Variants in OGFR observed in about 807,000 individuals in gnomAD.
OGFR encodes protein 7-60.
OGFR carries 18 observed loss-of-function variants against 33.6 expected under a neutral mutation model. The observed-to-expected ratio is 0.54, with a 90% CI of 0.37 to 0.80. OGFR has a LOEUF of 0.80. OGFR is among the 30% of genes least tolerant of loss of function. The pLI is 0.00. For synonymous variants in OGFR, 370 were observed against 400.7 expected, an observed-to-expected ratio of 0.92 and a Z score of 0.91; for missense variants, 877 against 955.8, an observed-to-expected ratio of 0.92 and a Z score of 1.09.
At chr20:62,812,025 C>T (rs1037516112) in intron 6 of OGFR, among the ~76,000 whole-genome samples, 16 of 152,354 alleles carry the variant, frequency 1.1e-4, no homozygotes, top group Admixed American at 7.2e-4. Flanking sequence ...CCCTAACCCC[C>T]GTGTGTCTAG....
chr20:62,805,514 T>C (rs1422996172), intron 1 of OGFR: 1 of 153,108 alleles, frequency 6.5e-6, no homozygotes, highest in Non-Finnish European at 1.5e-5. Context: ...TTGTTACTTT[T>C]GTTACCGCCG....
intron 2 of OGFR, 60 bp from the exon 3 acceptor site, chr20:62,808,186 AG>A: frequency 1.5e-6 from 2 of 1,307,570 alleles, no homozygotes; most frequent in Non-Finnish European, 2.2e-6. Context: ...AAAGACACGG[AG>A]GGCCCCAGGG....
Position 62,813,818 on chromosome 20 carries a change from C to A in OGFR, c.*169C>A. ...ATAGCAGCCACCAGAAGCCGCGAGG[C>A]CCTCAGGGAAGCCCAAGGCCTGCAG... On this transcript the variant is annotated 3_prime_UTR_variant, in exon 7 of 7. Coordinates refer to ENST00000290291, the MANE Select transcript of OGFR (RefSeq NM_007346.4). The A allele has an allele frequency of 1.3e-6, 1 of 769,026 alleles. No homozygotes were observed. The highest frequency in any genetic ancestry group is 2.1e-6 in the Non-Finnish European group (1 of 481,626). The allele number at this position is 769,026 out of a possible 1,614,324, so 47.6% of individuals were successfully genotyped here.
intron 5 of OGFR, 69 bp downstream of exon 5, chr20:62,810,634 G>A: frequency 6.7e-7 from 1 of 1,494,636 alleles, no homozygotes; most frequent in Non-Finnish European, 9.3e-7. Flanking sequence ...CCGCTGCAGA[G>A]ACGGGGTCGC....
chr20:62,806,773 C>G (rs1990602539), intron 1 of OGFR: 1 of 152,384 alleles, frequency 6.6e-6, no homozygotes, highest in South Asian at 2.1e-4. Context: ...CCCCAGGCCC[C>G]CCACCCTCAT....
At chr20:62,808,596 A>G (rs1043783132) in intron 3 of OGFR, among the ~76,000 whole-genome samples, 8 of 152,210 alleles carry the variant, frequency 5.3e-5, no homozygotes, top group Admixed American at 2.6e-4. Flanking sequence ...TATCAAAACT[A>G]CTGAACTCCT....
rs1990773152 is a variant in OGFR at position 62,813,046 on chromosome 20, G to C, written c.1431G>C (p.Gln477His). 1 of 1,593,018 alleles carries C rather than the reference G, an allele frequency of 6.3e-7. No individual in the cohort carries two copies. Among genetic ancestry groups the C allele is most frequent in the Non-Finnish European group, 8.5e-7 (1 of 1,170,074 alleles). ...DSAAVASGGAQTLALAGSPAP... is the reference protein window; with the variant it reads ...DSAAVASGGAHTLALAGSPAP... ...CTGCGGTGGCCAGTGGTGGTGCCCAGACCTTGGCCCTTGCCGGGTCCCCTG... is the reference window on the plus strand; with the variant it reads ...CTGCGGTGGCCAGTGGTGGTGCCCACACCTTGGCCCTTGCCGGGTCCCCTG... Residue 477 changes from glutamine to histidine, a missense_variant, in exon 7 of 7, where the codon CAG becomes CAC. Gln to His is a conservative substitution (Grantham distance 24, BLOSUM62 0). Transcript: ENST00000290291.
chr20:62,807,147 T>G (rs1315529598), intron 1 of OGFR: 2 of 255,194 alleles, frequency 7.8e-6, no homozygotes, highest in Non-Finnish European at 1.5e-5. Context: ...GAACAGAGGC[T>G]AAAGCCAGGG....
chr20:62,810,432 C>A, intron 4 of OGFR, 67 bp from the exon 5 acceptor site: 1 of 1,513,740 alleles, frequency 6.6e-7, no homozygotes, highest in South Asian at 1.1e-5. Context: ...GGCTACACAG[C>A]GAGCACCTGC....
rs1990701945 is a variant in OGFR at position 62,810,553 on chromosome 20, C to G, written c.453C>G (p.Leu151=). The G allele has an allele frequency of 1.2e-6, 2 of 1,612,818 alleles. No individual in the cohort carries two copies. The highest frequency in any genetic ancestry group is 3.3e-5 in the Admixed American group (2 of 60,008). ...ACTGGCATGCCAAGCCCCTCACGCT[C>G]AGGGAGGTCGAGGTGAGCCAGGCCT... is the stretch of plus-strand genomic sequence containing the variant. ...GVNWHAKPLT[L]REVEVFKSSQ... The change falls in exon 5 of 7, where the codon CTC becomes CTG. Residue 151 remains leucine (L), a synonymous_variant. Transcript: ENST00000290291.
chr20:62,808,841 A>G (rs1324638644), intron 3 of OGFR, among the ~76,000 whole-genome samples: 2 of 151,962 alleles, frequency 1.3e-5, no homozygotes, highest in East Asian at 3.9e-4. Context: ...CAGGTGTGGT[A>G]GCGTGCGCCT....
rs1449045556 is a variant in OGFR, at chr20:62,812,362, G to A, written c.747G>A (p.Val249=). The change falls in exon 7 of 7, where the codon GTG becomes GTA. Residue 249 remains valine (V), a synonymous_variant. Coordinates refer to ENST00000290291, the MANE Select transcript of OGFR (RefSeq NM_007346.4). ...ETLVRRELPG[V]RQSALDYFMF... ...TGGTGCGGCGGGAGCTGCCGGGGGT[G>A]CGGCAGAGTGCCCTGGACTACTTCA... The A allele has an allele frequency of 1.9e-6, 3 of 1,560,960 alleles. No homozygotes were observed. Among genetic ancestry groups the A allele is most frequent in the Non-Finnish European group, 8.7e-7 (1 of 1,153,544 alleles).
At chr20:62,809,780 C>A in intron 4 of OGFR, 117 bp downstream of exon 4, 1 of 804,118 alleles carries the variant, frequency 1.2e-6, no homozygotes, top group Non-Finnish European at 2.2e-6. Flanking sequence ...CCCTGCCCTT[C>A]CTGGAAGCTG....
At chr20:62,807,115 AG>A (rs1568736829) in intron 1 of OGFR, 1 of 200,438 alleles carries the variant, frequency 5.0e-6, no homozygotes, top group Non-Finnish European at 1.0e-5. Flanking sequence ...TGTACAAAGC[AG>A]GGGGAGTCTC....
chr20:62,808,438 A>T (rs1013798765), intron 3 of OGFR, 113 bp downstream of exon 3: 1 of 772,462 alleles, frequency 1.3e-6, no homozygotes, highest in Admixed American at 2.1e-5. Flanking sequence ...ACGGCTTTCA[A>T]ATAGCCCCAC....
intron 4 of OGFR, 120 bp downstream of exon 4, chr20:62,809,783 G>A (rs1990683328): frequency 2.5e-6 from 2 of 784,922 alleles, no homozygotes; most frequent in South Asian, 1.4e-5. Flanking sequence ...TGCCCTTCCT[G>A]GAAGCTGGTG....
chr20:62,805,029 A>T lies in OGFR; in HGVS notation c.170A>T (p.Gln57Leu). The T allele has an allele frequency of 1.4e-6, 2 of 1,386,158 alleles. No homozygotes were observed. The highest frequency in any genetic ancestry group is 3.0e-5 in the African/African-American group (2 of 65,618). 85.9% of individuals were successfully genotyped at this position (1,386,158 alleles called of 1,614,324 possible). A position where few individuals can be genotyped will look rare whatever the true frequency, so the allele number is the denominator to read the frequency against. Residue 57 changes from glutamine to leucine, a missense_variant and splice_region_variant, in exon 1 of 7, where the codon CAG (glutamine) becomes CTG (leucine). This residue lies in a region of OGFR where 760 missense variants were observed against 736.0 expected (regional missense o/e 1.03). Coordinates refer to ENST00000290291, the MANE Select transcript of OGFR (RefSeq NM_007346.4). ...EPRAARPSSF[Q>L]SRMTGSRNWR... is the part of the protein sequence containing the mutation. ...CGGGCGGCGCGGCCCAGCTCGTTCC[A>T]GGTGCGGCCCCGCGGCGCGGAAGAG...
chr20:62,809,686 A>C (rs1461633000), intron 4 of OGFR, 23 bp downstream of exon 4: 3 of 999,318 alleles, frequency 3.0e-6, no homozygotes, highest in East Asian at 3.3e-5. Flanking sequence ...GGATGGGGGG[A>C]TGGGGGGTTG....
At chr20:62,808,450 G>GTGCC (rs1387067509) in intron 3 of OGFR, 125 bp downstream of exon 3, 1 of 711,882 alleles carries the variant, frequency 1.4e-6, no homozygotes, top group Non-Finnish European at 2.4e-6. Context: ...TAGCCCCACA[G>GTGCC]TGCCCCCTGG....
Sources: gnomAD v4.1 joint callset for allele counts (sites outside exome capture counted in the v4.1 genomes callset) on GRCh38, gnomAD v4.1.1 for gene constraint, gnomAD v4.1.1 regional missense constraint, MANE v1.5 for transcripts, NCBI Gene and HGNC (gene_info 2026-07-23, HGNC 2026-07-21) for gene names.